Variants in ZNF578 observed in about 807,000 individuals in gnomAD.
The protein encoded by ZNF578 is Putative chemokine-related protein B42.
ZNF578 carries 8 observed loss-of-function variants against 8.3 expected under a neutral mutation model. That is an observed-to-expected ratio of 0.96 (90% CI 0.56 to 1.74). The LOEUF is 1.74. ZNF578 is among the 40% of genes most tolerant of loss of function. ZNF578 has a pLI of 0.00. For synonymous variants in ZNF578, 206 were observed against 232.2 expected (o/e 0.89, Z 1.03); for missense variants, 726 against 707.5 (o/e 1.03, Z -0.30).
chr19:52,466,359 G>A (rs1404154041), intron 2 of ZNF578, among the ~76,000 whole-genome samples: 1 of 152,282 alleles, frequency 6.6e-6, no homozygotes, highest in Non-Finnish European at 1.5e-5. Context: ...TAAGAGAGCA[G>A]GTCTTGCTCA....
intron 3 of ZNF578, among the ~76,000 whole-genome samples, chr19:52,492,622 C>A (rs766108340): frequency 1.3e-5 from 2 of 152,202 alleles, no homozygotes; most frequent in Admixed American, 1.3e-4. Flanking sequence ...CCTTCCTGGC[C>A]GCTCTCCCCT....
intron 2 of ZNF578, among the ~76,000 whole-genome samples, chr19:52,460,498 T>C (rs993577431): frequency 6.6e-6 from 1 of 152,208 alleles, no homozygotes; most frequent in African/African-American, 2.4e-5. Context: ...TTAATTGGGT[T>C]ATTTATTTTT....
At chr19:52,501,207 C>T (rs2059405897) in intron 3 of ZNF578, among the ~76,000 whole-genome samples, 1 of 152,152 alleles carries the variant, frequency 6.6e-6, no homozygotes, top group African/African-American at 2.4e-5. Flanking sequence ...CCTTTGTCAT[C>T]CACTGTCTGG....
At chr19:52,470,645 C>T (rs1404551661) in intron 2 of ZNF578, among the ~76,000 whole-genome samples, 1 of 152,136 alleles carries the variant, frequency 6.6e-6, no homozygotes, top group African/African-American at 2.4e-5. Flanking sequence ...TAGAACAAAA[C>T]AGGCAAAAGG....
chr19:52,459,769 A>ATATATTTTTTTTT lies in ZNF578; in HGVS notation c.-122+2812_-122+2813insATATTTTTTTTTT, dbSNP rs1555751349. 4.3e-3 allele frequency among the ~76,000 whole-genome samples: 76 copies of ATATATTTTTTTTT among 17,620 alleles called. 24 individuals carry two copies. The highest frequency in any genetic ancestry group is 4.6e-3 in the Non-Finnish European group (46 of 10,084). 11.6% of individuals were successfully genotyped at this position (17,620 alleles called of 152,430 possible). A position where few individuals can be genotyped will look rare whatever the true frequency, so the allele number is the denominator to read the frequency against. ...TGTGTGTGTATATATATATATATAT[A>ATATATTTTTTTTT]TTTTTTTTTTTTTTTTTTTTTTTTG... On this transcript the variant is annotated intron_variant, in intron 2 of 5. Coordinates refer to ENST00000421239, the MANE Select transcript of ZNF578 (RefSeq NM_001099694.2).
At chr19:52,510,551 A>G (rs1402327725) in intron 5 of ZNF578, 21 bp from the exon 6 acceptor site, 11 of 1,510,478 alleles carry the variant, frequency 7.3e-6, no homozygotes, top group Non-Finnish European at 8.8e-6. Flanking sequence ...TTGCAAACGT[A>G]TTGGTGTTTA....
At chr19:52,497,172 T>C (rs1453747210) in intron 3 of ZNF578, among the ~76,000 whole-genome samples, 1 of 152,126 alleles carries the variant, frequency 6.6e-6, no homozygotes, top group Non-Finnish European at 1.5e-5. Context: ...CGATTTCGTC[T>C]CACTGCAACC....
chr19:52,511,478 C>T lies in ZNF578; in HGVS notation c.1097C>T (p.Thr366Ile). Residue 366 changes from threonine (T) to isoleucine (I), a missense_variant, in exon 6 of 6, where the codon ACT becomes ATT. Transcript: ENST00000421239. Reference protein sequence around the residue: ...SSLRCHRRLHTGIKPYKCNEC... With the variant: ...SSLRCHRRLHIGIKPYKCNEC... The stretch of plus-strand genomic sequence containing the variant: ...CTTAGATGCCATCGTAGACTTCATA[C>T]TGGAATAAAACCTTACAAGTGTAAT... 6.2e-7 allele frequency: 1 copy of T among 1,613,992 alleles called. No homozygotes were observed. Among genetic ancestry groups the T allele is most frequent in the Middle Eastern group, 1.7e-4 (1 of 6,060 alleles).
At chr19:52,467,546 G>A (rs2059279304) in intron 2 of ZNF578, among the ~76,000 whole-genome samples, 2 of 152,112 alleles carry the variant, frequency 1.3e-5, no homozygotes, top group Non-Finnish European at 2.9e-5. Flanking sequence ...AGGGCAGTCA[G>A]TTGAGATGGC....
intron 3 of ZNF578, among the ~76,000 whole-genome samples, chr19:52,497,003 T>G (rs571781255): frequency 4.6e-5 from 7 of 152,178 alleles, no homozygotes; most frequent in East Asian, 1.9e-4. Flanking sequence ...CAGGATCACA[T>G]CTCAGTGCCG....
At chr19:52,498,743 T>G (rs2059396398) in intron 3 of ZNF578, among the ~76,000 whole-genome samples, 1 of 142,408 alleles carries the variant, frequency 7.0e-6, no homozygotes, top group Admixed American at 7.5e-5. Context: ...TGGAATGCAG[T>G]GGAACAATCT....
At position 52,515,717 on chromosome 19, in the gene ZNF578, G is replaced by A. The variant is rs531740840; in HGVS notation, c.*3563G>A. ...TGAAATGATTGGCAAAATGGAGTGC[G>A]TGTCTGGGTGTGGCTTTTTTTTTTT... is the stretch of plus-strand genomic sequence containing the variant. On this transcript the variant is annotated 3_prime_UTR_variant, in exon 6 of 6. Transcript: ENST00000421239. Among the ~76,000 whole-genome samples, 24 of 151,470 alleles carry A rather than the reference G, an allele frequency of 1.6e-4. No individual in the cohort carries two copies. The highest frequency in any genetic ancestry group is 1.4e-3 in the Admixed American group (22 of 15,218).
chr19:52,500,877 C>A (rs1200797271), intron 3 of ZNF578, among the ~76,000 whole-genome samples: 122 of 117,450 alleles, frequency 1.0e-3, no homozygotes, highest in Middle Eastern at 8.4e-3. Flanking sequence ...TTTTGTGTGA[C>A]TTTTTTTTTT....
intron 2 of ZNF578, among the ~76,000 whole-genome samples, chr19:52,469,129 A>C (rs1057310957): frequency 6.7e-6 from 1 of 149,978 alleles, no homozygotes; most frequent in East Asian, 1.9e-4. Context: ...GAGAACCCTG[A>C]CTAATACAGA....
intron 3 of ZNF578, among the ~76,000 whole-genome samples, chr19:52,494,148 G>A (rs1334907188): frequency 6.6e-6 from 1 of 150,860 alleles, no homozygotes; most frequent in Non-Finnish European, 1.5e-5. Context: ...AGAGAGAAGG[G>A]GAGAATGAGA....
At chr19:52,463,122 G>A (rs541623490) in intron 2 of ZNF578, among the ~76,000 whole-genome samples, 6 of 152,228 alleles carry the variant, frequency 3.9e-5, no homozygotes, top group South Asian at 2.1e-4. Context: ...CGATTGGCTC[G>A]CTCAACAATC....
intron 2 of ZNF578, among the ~76,000 whole-genome samples, chr19:52,468,812 C>T (rs535969661): frequency 1.3e-5 from 2 of 152,284 alleles, no homozygotes; most frequent in South Asian, 2.1e-4. Flanking sequence ...TCTTCCCATG[C>T]TGGATGCTTG....
intron 3 of ZNF578, among the ~76,000 whole-genome samples, chr19:52,499,306 G>A (rs2059398257): frequency 6.6e-6 from 1 of 151,738 alleles, no homozygotes; most frequent in Non-Finnish European, 1.5e-5. Flanking sequence ...CAAAAACAGG[G>A]GATTAGACTC....
At chr19:52,457,694 G>A (rs1056734047) in intron 2 of ZNF578, 4 of 152,058 alleles carry the variant, frequency 2.6e-5, no homozygotes, top group East Asian at 3.9e-4. Flanking sequence ...TGGTGTGTGG[G>A]GAAAGTACCC....
Sources: allele counts gnomAD v4.1 joint callset (sites outside exome capture counted in the v4.1 genomes callset), GRCh38; gene constraint gnomAD v4.1.1; transcripts MANE v1.5; gene names NCBI Gene and HGNC (gene_info 2026-07-23, HGNC 2026-07-21).